The following LSAMP variants were observed in gnomAD, a reference collection of about 807,000 sequenced individuals.
LSAMP encodes the protein limbic system associated membrane protein, also known as limbic system-associated membrane protein.
Under a neutral mutation model 38.6 loss-of-function variants are expected in LSAMP, and 7 were observed. The observed-to-expected ratio is 0.18, with a 90% CI of 0.10 to 0.34. LSAMP has a LOEUF of 0.34. Among genes scored for constraint, LSAMP ranks in the 10% least tolerant of loss-of-function variants. LSAMP has a pLI of 1.00. For synonymous variants in LSAMP, 154 were observed against 166.8 expected (o/e 0.92, Z 0.59); for missense variants, 313 against 420.0 (o/e 0.75, Z 2.23).
At chr3:116,400,502 G>T (rs2048825147) in intron 1 of LSAMP, among the ~76,000 whole-genome samples, 1 of 141,790 alleles carries the variant, frequency 7.1e-6, no homozygotes, top group Non-Finnish European at 1.5e-5. Context: ...TCTTGAGGTG[G>T]AGTTTCCCTC....
At chr3:116,354,529 A>G (rs965443323) in intron 1 of LSAMP, among the ~76,000 whole-genome samples, 3 of 152,176 alleles carry the variant, frequency 2.0e-5, no homozygotes, top group African/African-American at 7.2e-5. Context: ...AGAAGCTTAA[A>G]TATTTCCTCA....
intron 3 of LSAMP, among the ~76,000 whole-genome samples, chr3:115,976,713 T>A (rs1939198566): frequency 6.6e-6 from 1 of 152,062 alleles, no homozygotes; most frequent in African/African-American, 2.4e-5. Context: ...ATTATCCCCT[T>A]GCTGTTCTCA....
chr3:115,977,305 T>C (rs76523628), intron 3 of LSAMP, among the ~76,000 whole-genome samples: 4,209 of 152,270 alleles, frequency 0.028, 86 homozygotes, highest in African/African-American at 0.065. Flanking sequence ...TCTGTCATCA[T>C]AGGTTTAAAT....
intron 1 of LSAMP, among the ~76,000 whole-genome samples, chr3:116,426,970 C>T (rs1054316071): frequency 6.6e-6 from 1 of 151,864 alleles, no homozygotes; most frequent in African/African-American, 2.4e-5. Flanking sequence ...AGCATACAAC[C>T]TGAGACTGAT....
At chr3:115,853,054 G>A (rs966560407) in intron 3 of LSAMP, among the ~76,000 whole-genome samples, 3 of 152,182 alleles carry the variant, frequency 2.0e-5, no homozygotes, top group Non-Finnish European at 4.4e-5. Flanking sequence ...GGGAGCTGGC[G>A]GGAGGTACAT....
chr3:116,116,532 T>TTA (rs1351842178), intron 1 of LSAMP, among the ~76,000 whole-genome samples: 2 of 110,818 alleles, frequency 1.8e-5, no homozygotes, highest in African/African-American at 3.3e-5. Context: ...CCATCTCTAC[T>TTA]AAAAAAAAAA....
intron 1 of LSAMP, among the ~76,000 whole-genome samples, chr3:116,207,813 C>A (rs937124510): frequency 2.6e-4 from 39 of 152,270 alleles, no homozygotes; most frequent in African/African-American, 9.1e-4. Context: ...GGTAACCCGA[C>A]CTTTCTCTTT....
chr3:116,407,491 C>T (rs1011485543), intron 1 of LSAMP, among the ~76,000 whole-genome samples: 15 of 152,004 alleles, frequency 9.9e-5, no homozygotes, highest in African/African-American at 2.7e-4. Flanking sequence ...AGTAAGGATA[C>T]AGCAAGATTC....
At chr3:116,239,431 G>T (rs1050025272) in intron 1 of LSAMP, among the ~76,000 whole-genome samples, 9 of 152,096 alleles carry the variant, frequency 5.9e-5, no homozygotes, top group African/African-American at 2.2e-4. Flanking sequence ...AAACATTTCA[G>T]CAATAAAAAG....
At chr3:116,443,968 T>C (rs1053062042) in intron 1 of LSAMP, among the ~76,000 whole-genome samples, 9 of 152,188 alleles carry the variant, frequency 5.9e-5, no homozygotes, top group Non-Finnish European at 8.8e-5. Flanking sequence ...TGAGTCTCTC[T>C]AGCTCACAGT....
intron 1 of LSAMP, among the ~76,000 whole-genome samples, chr3:116,289,125 T>C (rs1576485124): frequency 1.3e-5 from 2 of 152,246 alleles, no homozygotes. Flanking sequence ...GTAGCATCTA[T>C]AGCAATCAGA....
chr3:115,856,399 C>T (rs1163593558), intron 3 of LSAMP, among the ~76,000 whole-genome samples: 1 of 152,100 alleles, frequency 6.6e-6, no homozygotes, highest in African/African-American at 2.4e-5. Flanking sequence ...GGGCAGATCA[C>T]TTGAGGTCAA....
intron 3 of LSAMP, among the ~76,000 whole-genome samples, chr3:116,015,116 T>G (rs1000115159): frequency 6.6e-6 from 1 of 152,150 alleles, no homozygotes; most frequent in African/African-American, 2.4e-5. Flanking sequence ...CAAAATATTT[T>G]TAAAGTGAGA....
At chr3:116,132,994 A>G (rs1305582890) in intron 1 of LSAMP, among the ~76,000 whole-genome samples, 1 of 152,206 alleles carries the variant, frequency 6.6e-6, no homozygotes, top group Non-Finnish European at 1.5e-5. Flanking sequence ...GATCTTGGTT[A>G]TAAATGGTGC....
intron 1 of LSAMP, among the ~76,000 whole-genome samples, chr3:116,182,469 C>T (rs1325943150): frequency 6.6e-6 from 1 of 151,326 alleles, no homozygotes; most frequent in African/African-American, 2.4e-5. Flanking sequence ...AGAAGTCTGC[C>T]AATTAAAACA....
At chr3:116,311,645 C>A (rs1433739344) in intron 1 of LSAMP, among the ~76,000 whole-genome samples, 1 of 152,172 alleles carries the variant, frequency 6.6e-6, no homozygotes, top group Non-Finnish European at 1.5e-5. Context: ...TGGAGTCCAG[C>A]CCTGCCACTA....
At chr3:116,386,571 C>T (rs1218474080) in intron 1 of LSAMP, among the ~76,000 whole-genome samples, 1 of 152,138 alleles carries the variant, frequency 6.6e-6, no homozygotes, top group Non-Finnish European at 1.5e-5. Flanking sequence ...CTCCTAGGCT[C>T]AAGCAGTCCT....
chr3:115,878,244 T>C (rs187350419), intron 3 of LSAMP, among the ~76,000 whole-genome samples: 1 of 152,018 alleles, frequency 6.6e-6, no homozygotes, highest in East Asian at 1.9e-4. Context: ...TCTAGAAAGA[T>C]GGAGACCAAG....
At chr3:116,046,379 C>T (rs923842725) in intron 2 of LSAMP, among the ~76,000 whole-genome samples, 1 of 152,090 alleles carries the variant, frequency 6.6e-6, no homozygotes, top group Non-Finnish European at 1.5e-5. Flanking sequence ...AGCTACATGA[C>T]TTCACCTTTG....
Sources: gnomAD v4.1 joint callset for allele counts (sites outside exome capture counted in the v4.1 genomes callset) on GRCh38, gnomAD v4.1.1 for gene constraint, MANE v1.5 for transcripts, NCBI Gene and HGNC (gene_info 2026-07-23, HGNC 2026-07-21) for gene names.